The following NAA35 variants were observed in gnomAD, a reference collection of about 807,000 sequenced individuals.
NAA35 encodes the protein N-alpha-acetyltransferase 35, NatC auxiliary subunit.
Under a neutral mutation model 101.7 loss-of-function variants are expected in NAA35, and 18 were observed. The ratio of observed to expected loss-of-function variants is 0.18; its 90% confidence interval spans 0.12 to 0.26. The LOEUF is 0.26. Ranked by LOEUF, NAA35 falls within the 10% of genes least tolerant of loss-of-function variation. The probability of loss-of-function intolerance (pLI) is 1.00; values close to 1 mark genes in which losing one functional copy is unlikely to be tolerated. For missense variants in NAA35, 601 were observed against 886.8 expected (o/e 0.68, Z 4.09); for synonymous variants, 267 against 273.1 (o/e 0.98, Z 0.22).
intron 6 of NAA35, chr9:85,966,671 T>C (rs1248089183): frequency 7.8e-7 from 1 of 1,280,182 alleles, no homozygotes; most frequent in South Asian, 1.3e-5. Context: ...TTGGAAGGAA[T>C]GCAGTAAGTT....
At chr9:86,018,602 G>A in intron 20 of NAA35, 97 bp from the exon 21 acceptor site, 1 of 1,486,336 alleles carries the variant, frequency 6.7e-7, no homozygotes, top group South Asian at 1.3e-5. Context: ...CTGTGTATGA[G>A]TGGATAGAAA....
At chr9:85,979,843 G>A (rs899640791) in intron 11 of NAA35, among the ~76,000 whole-genome samples, 1 of 152,152 alleles carries the variant, frequency 6.6e-6, no homozygotes. Context: ...TTGAAGGAGT[G>A]TTTGTGGTAG....
chr9:85,990,092 G>A (rs1830837554), intron 11 of NAA35, among the ~76,000 whole-genome samples: 1 of 152,194 alleles, frequency 6.6e-6, no homozygotes, highest in South Asian at 2.1e-4. Flanking sequence ...CAAGATTCAT[G>A]GTGCATGCTC....
In NAA35 at chr9:85,975,025, G is replaced by A. The variant is rs1830151367; in HGVS notation, c.575G>A (p.Arg192Gln). ...ATGGCTAACAGTGTGACAGATCTTC[G>A]AGTTACAGGTAAAATTATTTTTAAA... The part of the protein sequence containing the change: ...FKMANSVTDL[R>Q]VTGMLKDVED... Residue 192 changes from arginine to glutamine, a missense_variant, in exon 7 of 23, where the codon CGA becomes CAA. Around this residue, in one of 8 missense-constraint regions of NAA35, gnomAD observed 86 missense variants for 169.4 expected, o/e 0.51. Coordinates refer to ENST00000361671, the MANE Select transcript of NAA35 (RefSeq NM_024635.4). 1.9e-6 allele frequency: 3 copies of A among 1,612,542 alleles called. No individual in the cohort carries two copies. Among genetic ancestry groups the A allele is most frequent in the Non-Finnish European group, 2.5e-6 (3 of 1,179,062 alleles).
At chr9:86,003,171 T>C (rs1441629508) in intron 12 of NAA35, among the ~76,000 whole-genome samples, 25 of 152,210 alleles carry the variant, frequency 1.6e-4, no homozygotes, top group Admixed American at 1.6e-3. Context: ...TGGTAGACTC[T>C]TGCTCAAAAA....
At chr9:85,995,979 T>A (rs753916532) in intron 11 of NAA35, among the ~76,000 whole-genome samples, 1 of 152,226 alleles carries the variant, frequency 6.6e-6, no homozygotes, top group Non-Finnish European at 1.5e-5. Context: ...TTTGAATGGA[T>A]TCTACTGTTT....
intron 21 of NAA35, among the ~76,000 whole-genome samples, chr9:86,019,960 A>G (rs1174092072): frequency 6.6e-6 from 1 of 152,224 alleles, no homozygotes; most frequent in East Asian, 1.9e-4. Flanking sequence ...CATACAGTGG[A>G]ATACTGTGCA....
chr9:85,968,579 G>A (rs370129949), intron 6 of NAA35, among the ~76,000 whole-genome samples: 10 of 151,982 alleles, frequency 6.6e-5, no homozygotes, highest in African/African-American at 2.4e-4. Flanking sequence ...ACTAATACTT[G>A]TATGTAGTTT....
At chr9:85,985,482 A>G (rs1830608387) in intron 11 of NAA35, among the ~76,000 whole-genome samples, 1 of 152,216 alleles carries the variant, frequency 6.6e-6, no homozygotes, top group African/African-American at 2.4e-5. Flanking sequence ...GAAGAATCCA[A>G]TCAGAAAAGA....
intron 22 of NAA35, among the ~76,000 whole-genome samples, chr9:86,021,646 T>G (rs1441762749): frequency 6.6e-6 from 1 of 152,244 alleles, no homozygotes; most frequent in Non-Finnish European, 1.5e-5. Context: ...TATTTATCTT[T>G]TAACTGTTCT....
chr9:85,969,560 A>G (rs987519167), intron 6 of NAA35, among the ~76,000 whole-genome samples: 4 of 152,150 alleles, frequency 2.6e-5, no homozygotes, highest in Admixed American at 6.5e-5. Context: ...AACGTGCTTT[A>G]TATTCCTCTT....
rs193176547 is a variant in NAA35, at chr9:85,990,380, G to A, written c.878-6019G>A. Among the ~76,000 whole-genome samples, 430 of 152,240 alleles carry A rather than the reference G, an allele frequency of 2.8e-3. 5 individuals carry two copies. The South Asian group carries it at 0.031, about 11-fold the overall frequency. ...CTTCAACTTGAATTTTGGTGGGGACGAAAACACATCCAAACCATAGCAATG... is the reference window on the plus strand; with the variant it reads ...CTTCAACTTGAATTTTGGTGGGGACAAAAACACATCCAAACCATAGCAATG... On this transcript the variant is annotated intron_variant, in intron 11 of 22. Transcript: ENST00000361671.
intron 12 of NAA35, among the ~76,000 whole-genome samples, chr9:85,998,034 C>T (rs1388056585): frequency 6.6e-6 from 1 of 152,120 alleles, no homozygotes; most frequent in Non-Finnish European, 1.5e-5. Flanking sequence ...CCTGCCTCAG[C>T]CTCCCGAGTA....
In NAA35 at chr9:85,985,341, A is replaced by G. The variant is rs142587066; in HGVS notation, c.877+6960A>G. ...AGCAGCATTATTCATAATAGCCAAA[A>G]GGGAAAAATAGCTCAAATGTCCATC... On this transcript the variant is annotated intron_variant, in intron 11 of 22. Transcript: ENST00000361671. Among the ~76,000 whole-genome samples the G allele has an allele frequency of 2.2e-3, 336 of 152,374 alleles. 1 individual carries two copies. The highest frequency in any genetic ancestry group is 7.7e-3 in the African/African-American group (319 of 41,598).
chr9:85,996,831 G>A (rs370517509), intron 12 of NAA35, among the ~76,000 whole-genome samples: 2 of 152,144 alleles, frequency 1.3e-5, no homozygotes, highest in African/African-American at 4.8e-5. Context: ...TTAAGAAGCC[G>A]ATGTTGAAGG....
intron 11 of NAA35, among the ~76,000 whole-genome samples, chr9:85,995,255 AT>A (rs1171164298): frequency 6.6e-6 from 1 of 150,906 alleles, no homozygotes; most frequent in Non-Finnish European, 1.5e-5. Context: ...TTAGCAATTT[AT>A]TTATTTTTAA....
At chr9:85,963,489 G>C (rs7860036) in intron 6 of NAA35, among the ~76,000 whole-genome samples, 6,713 of 151,724 alleles carry the variant, frequency 0.044, 472 homozygotes, top group African/African-American at 0.15. Flanking sequence ...GGCTGATCTC[G>C]AACTCCTGAG....
chr9:85,972,146 A>G (rs765925251), intron 6 of NAA35, among the ~76,000 whole-genome samples: 15 of 152,188 alleles, frequency 9.9e-5, no homozygotes, highest in Non-Finnish European at 1.8e-4. Context: ...GCAAACTTAC[A>G]GATAAGTTTT....
At chr9:86,007,280 AT>A in intron 13 of NAA35, 77 bp from the exon 14 acceptor site, 1 of 1,027,980 alleles carries the variant, frequency 9.7e-7, no homozygotes, top group Non-Finnish European at 1.5e-6. Flanking sequence ...AGTCTGTGGC[AT>A]TTATAAGTAT....
Sources: allele counts gnomAD v4.1 joint callset (sites outside exome capture counted in the v4.1 genomes callset), GRCh38; gene constraint gnomAD v4.1.1; regional missense constraint gnomAD v4.1.1; transcripts MANE v1.5; gene names NCBI Gene and HGNC (gene_info 2026-07-23, HGNC 2026-07-21).